Variants in RHOU observed in about 807,000 individuals in gnomAD.
RHOU encodes rho-related GTP-binding protein RhoU.
RHOU carries 8 observed loss-of-function variants against 12.6 expected under a neutral mutation model. The ratio of observed to expected loss-of-function variants is 0.64; its 90% CI spans 0.37 to 1.15. The LOEUF is 1.15. Among genes scored for constraint, RHOU ranks in the 50% most tolerant of loss-of-function variants. The pLI, the probability that RHOU is intolerant of heterozygous loss-of-function variation, is 0.01. For missense variants in RHOU, 258 were observed against 347.0 expected (o/e 0.74, Z 2.04); for synonymous variants, 161 against 147.4 (o/e 1.09, Z -0.67).
the RHOU span, among the ~76,000 whole-genome samples, chr1:228,696,583 G>C: frequency 4.8e-3 from 730 of 152,128 alleles, 6 homozygotes; most frequent in African/African-American, 0.017. Flanking sequence ...GTCTTGCTCT[G>C]TCACCCAGGC....
upstream of RHOU, among the ~76,000 whole-genome samples, chr1:228,731,655 A>C (rs1245295107): frequency 6.6e-6 from 1 of 152,206 alleles, no homozygotes; most frequent in Non-Finnish European, 1.5e-5. Flanking sequence ...TAAGCGGAGA[A>C]AGAGCAAGTT....
the RHOU span, among the ~76,000 whole-genome samples, chr1:228,704,487 GTCACCCAGGGAGT>G: frequency 6.6e-6 from 1 of 151,962 alleles, no homozygotes; most frequent in Admixed American, 6.6e-5. Context: ...GTCTTGCCCT[GTCACCCAGGGAGT>G]CACCTGGAGT....
Position 228,737,098 on chromosome 1 carries a change from A to C in RHOU, c.263-575A>C, listed in dbSNP as rs1662627425. ...TCCCCGAGTCCCCGGATCCCAGTGGAAAGGGGGCCATGGCTTTCTTTTTTC... is the reference window on the plus strand; with the variant it reads ...TCCCCGAGTCCCCGGATCCCAGTGGCAAGGGGGCCATGGCTTTCTTTTTTC... On this transcript the variant is annotated intron_variant, in intron 1 of 2. Coordinates refer to ENST00000366691, the MANE Select transcript of RHOU (RefSeq NM_021205.6). This position sits in a 1 kb window ranked among gnomAD's most constrained non-coding sequence, Gnocchi z 4.1. Among the ~76,000 whole-genome samples the C allele has an allele frequency of 6.6e-6, 1 of 152,184 alleles. No homozygotes were observed. The highest frequency in any genetic ancestry group is 1.5e-5 in the Non-Finnish European group (1 of 68,032).
the RHOU span, among the ~76,000 whole-genome samples, chr1:228,685,483 A>G: frequency 6.6e-6 from 1 of 152,234 alleles, no homozygotes; most frequent in South Asian, 2.1e-4. Context: ...ACAAAGGGAA[A>G]TTAGGAGAAA....
At chr1:228,655,853 CAA>C in the RHOU span, among the ~76,000 whole-genome samples, 1 of 152,200 alleles carries the variant, frequency 6.6e-6, no homozygotes. Context: ...GGGAAGGCCA[CAA>C]AGAGAGGGTT....
At chr1:228,742,923 G>A (rs879374897) in intron 2 of RHOU, among the ~76,000 whole-genome samples, 11 of 152,148 alleles carry the variant, frequency 7.2e-5, no homozygotes, top group Non-Finnish European at 1.0e-4. Context: ...AGAGTTGAGA[G>A]TAGGTTTGGG....
chr1:228,671,184 T>C, the RHOU span, among the ~76,000 whole-genome samples: 2 of 152,102 alleles, frequency 1.3e-5, no homozygotes, highest in Non-Finnish European at 2.9e-5. Flanking sequence ...TTTGTATTTT[T>C]AGTAGAGACA....
chr1:228,690,111 C>T, the RHOU span, among the ~76,000 whole-genome samples: 1 of 152,158 alleles, frequency 6.6e-6, no homozygotes, highest in Non-Finnish European at 1.5e-5. Context: ...AGCTACCTCT[C>T]TGTACTACTT....
the RHOU span, among the ~76,000 whole-genome samples, chr1:228,677,860 G>A: frequency 6.6e-6 from 1 of 152,118 alleles, no homozygotes; most frequent in Admixed American, 6.5e-5. Context: ...GACTAATAAA[G>A]GCAGGCCCGT....
chr1:228,738,437 T>C lies in RHOU; in HGVS notation c.321+706T>C, dbSNP rs571501012. The stretch of plus-strand genomic sequence containing the variant: ...GAGTCATTGAAGTCAGGCTGTGCCT[T>C]GTGAACACCCAGGGGTACTTGATTT... On this transcript the variant is annotated intron_variant, in intron 2 of 2. Coordinates refer to ENST00000366691, the MANE Select transcript of RHOU (RefSeq NM_021205.6). The surrounding 1 kb of genome is among the most constrained non-coding windows in gnomAD (Gnocchi z 4.2). 3.9e-5 allele frequency among the ~76,000 whole-genome samples: 6 copies of C among 152,332 alleles called. No individual in the cohort carries two copies. In the South Asian group the frequency reaches 6.2e-4, roughly 16 times the overall value.
chr1:228,666,302 T>C, the RHOU span, among the ~76,000 whole-genome samples: 1 of 152,316 alleles, frequency 6.6e-6, no homozygotes, highest in South Asian at 2.1e-4. Flanking sequence ...TTTTTCCTAA[T>C]TGACAAATAG....
chr1:228,723,157 CCA>C, the RHOU span, among the ~76,000 whole-genome samples: 3,851 of 152,246 alleles, frequency 0.025, 166 homozygotes, highest in African/African-American at 0.087. Flanking sequence ...TGGAGGAACA[CCA>C]GTGTTCTTGG....
At position 228,738,355 on chromosome 1, in the gene RHOU, G is replaced by A. The variant is rs941696685; in HGVS notation, c.321+624G>A. 2.6e-5 allele frequency among the ~76,000 whole-genome samples: 4 copies of A among 152,192 alleles called. No individual in the cohort carries two copies. The highest frequency in any genetic ancestry group is 2.1e-4 in the South Asian group (1 of 4,832). On this transcript the variant is annotated intron_variant, in intron 2 of 2. Transcript: ENST00000366691. This position sits in a 1 kb window ranked among gnomAD's most constrained non-coding sequence, Gnocchi z 4.2. ...CTGGGCCCTTGGAGGAAATAGCCAG[G>A]GAGTGTAGGGTTCCCTCTTTGTGTT...
chr1:228,698,217 G>C, the RHOU span, among the ~76,000 whole-genome samples: 1 of 152,176 alleles, frequency 6.6e-6, no homozygotes, highest in East Asian at 1.9e-4. Context: ...CAGTGTACCA[G>C]AGAGACTACT....
the RHOU span, among the ~76,000 whole-genome samples, chr1:228,663,625 CTTTT>C: frequency 1.7e-5 from 1 of 58,762 alleles, no homozygotes; most frequent in African/African-American, 6.9e-5. Context: ...CTTTTCTTTT[CTTTT>C]TTTTTTTTTT....
In RHOU at chr1:228,743,167, C is replaced by G. The variant is rs116468911; in HGVS notation, c.322-118C>G. 4,698 of 927,684 alleles carry G rather than the reference C, an allele frequency of 5.1e-3. 166 individuals are homozygous for G. In the African/African-American group the frequency reaches 0.068, roughly 14 times the overall value. 57.5% of individuals were successfully genotyped at this position (927,684 alleles called of 1,614,324 possible). The stretch of plus-strand genomic sequence containing the variant: ...GTTTCAAGGATGCTGGCTCTTCCTT[C>G]TAGAACCAGCGGGTCTTCTATCACC... On this transcript the variant is annotated intron_variant, in intron 2 of 2. Coordinates refer to ENST00000366691, the MANE Select transcript of RHOU (RefSeq NM_021205.6). The surrounding 1 kb of genome is among the most constrained non-coding windows in gnomAD (Gnocchi z 5.1).
chr1:228,673,097 A>G, the RHOU span, among the ~76,000 whole-genome samples: 1 of 152,224 alleles, frequency 6.6e-6, no homozygotes, highest in African/African-American at 2.4e-5. Context: ...TGTTTTAAGC[A>G]TAGAACCTGG....
At chr1:228,671,569 T>C in the RHOU span, among the ~76,000 whole-genome samples, 3 of 151,624 alleles carry the variant, frequency 2.0e-5, no homozygotes, top group Non-Finnish European at 4.4e-5. Context: ...GTACAAAAAT[T>C]AGCCCAGCAT....
chr1:228,650,211 G>A, the RHOU span: 1 of 456,934 alleles, frequency 2.2e-6, no homozygotes. Flanking sequence ...TCGCCCATGG[G>A]GACCCTGGCC....
Sources: gnomAD v4.1 joint callset for allele counts (sites outside exome capture counted in the v4.1 genomes callset) on GRCh38, gnomAD v4.1.1 for gene constraint, Gnocchi (gnomAD v3.1) non-coding constraint, MANE v1.5 for transcripts, NCBI Gene and HGNC (gene_info 2026-07-23, HGNC 2026-07-21) for gene names.